CCDC148: variants seen among roughly 807,000 people sequenced by gnomAD.
The protein encoded by CCDC148 is coiled-coil domain containing 148.
In CCDC148, 89 loss-of-function variants were observed where a neutral mutation model predicts 85.7. That is an observed-to-expected ratio of 1.04 (90% CI 0.87 to 1.24). The LOEUF is 1.24. CCDC148 is among the 50% of genes most tolerant of loss of function. The pLI is 0.00. For missense variants in CCDC148, 692 were observed against 671.7 expected (o/e 1.03, Z -0.33); for synonymous variants, 230 against 213.9 (o/e 1.08, Z -0.66).
chr2:158,290,435 C>T (rs1291467445), intron 9 of CCDC148, among the ~76,000 whole-genome samples: 1 of 152,206 alleles, frequency 6.6e-6, no homozygotes. Flanking sequence ...CCTCTGCTCA[C>T]TCCAGCCACA....
At chr2:158,304,591 AT>A (rs1417905689) in intron 9 of CCDC148, among the ~76,000 whole-genome samples, 1 of 152,180 alleles carries the variant, frequency 6.6e-6, no homozygotes, top group African/African-American at 2.4e-5. Flanking sequence ...GGTTTCTTAA[AT>A]AGGGCACAAA....
Position 158,358,533 on chromosome 2 carries a change from G to A in CCDC148, c.63C>T (p.Asn21=). The part of the protein sequence containing the change: ...LVFHMKNEMR[N]IKYKPVDYQQ... ...GATAGTCTACTGGTTTGTACTTGAT[G>A]TTTCTCATCTCATTTTTCATATGGA... The change falls in exon 2 of 14, where the codon AAC becomes AAT. Residue 21 remains asparagine, a synonymous_variant. Transcript: ENST00000283233. 1 of 1,593,014 alleles carries A rather than the reference G, an allele frequency of 6.3e-7. No homozygotes were observed. Among genetic ancestry groups the A allele is most frequent in the Non-Finnish European group, 8.5e-7 (1 of 1,171,304 alleles).
At chr2:158,310,692 G>C (rs1488413098) in intron 8 of CCDC148, among the ~76,000 whole-genome samples, 1 of 150,030 alleles carries the variant, frequency 6.7e-6, no homozygotes, top group African/African-American at 2.5e-5. Flanking sequence ...TGGGGTGGCG[G>C]CCGGGCAGAG....
chr2:158,283,946 A>T (rs1486592764), intron 9 of CCDC148, among the ~76,000 whole-genome samples: 31 of 151,778 alleles, frequency 2.0e-4, no homozygotes, highest in Middle Eastern at 3.4e-3. Flanking sequence ...CTATGCAGCC[A>T]TAAAAAATGA....
chr2:158,276,488 G>A (rs776148188), intron 9 of CCDC148, among the ~76,000 whole-genome samples: 3 of 151,872 alleles, frequency 2.0e-5, no homozygotes, highest in Non-Finnish European at 2.9e-5. Flanking sequence ...TATGGGAGGC[G>A]AAGGTTGCAG....
chr2:158,294,717 A>G (rs1212418393), intron 9 of CCDC148, among the ~76,000 whole-genome samples: 1 of 151,080 alleles, frequency 6.6e-6, no homozygotes, highest in East Asian at 2.0e-4. Flanking sequence ...CCAGCCATGC[A>G]GGAGGCTGAG....
intron 10 of CCDC148, among the ~76,000 whole-genome samples, chr2:158,242,525 G>C (rs907144147): frequency 5.3e-5 from 8 of 152,064 alleles, no homozygotes; most frequent in African/African-American, 1.9e-4. Flanking sequence ...TCCAGCTCAG[G>C]TCTGAGGGAA....
intron 2 of CCDC148, among the ~76,000 whole-genome samples, chr2:158,355,287 T>C (rs1048778769): frequency 6.6e-6 from 1 of 152,034 alleles, no homozygotes; most frequent in Admixed American, 6.6e-5. Context: ...GGAAGTCAAA[T>C]TGTCCCTGTT....
intron 9 of CCDC148, among the ~76,000 whole-genome samples, chr2:158,280,063 G>A (rs988681177): frequency 2.6e-5 from 4 of 151,106 alleles, no homozygotes; most frequent in African/African-American, 7.4e-5. Context: ...ATCCTTTACA[G>A]ACAAGCAAAT....
rs1434568407 is a variant in CCDC148, at chr2:158,356,915, G to A, written c.147+1534C>T. 2.8e-5 allele frequency among the ~76,000 whole-genome samples: 4 copies of A among 143,106 alleles called. No individual in the cohort carries two copies. In the East Asian group the frequency reaches 8.0e-4, roughly 29 times the overall value. 93.9% of individuals were successfully genotyped at this position (143,106 alleles called of 152,430 possible). A position where few individuals can be genotyped will look rare whatever the true frequency, so the allele number is the denominator to read the frequency against. On this transcript the variant is annotated intron_variant, in intron 2 of 13. Transcript: ENST00000283233. The stretch of plus-strand genomic sequence containing the variant: ...ACTATGCAGCCATAAAAAATGATGA[G>A]TTCATGTCCTTTGTAGGGACATGGA...
At chr2:158,299,229 C>T (rs1691334516) in intron 9 of CCDC148, among the ~76,000 whole-genome samples, 1 of 152,202 alleles carries the variant, frequency 6.6e-6, no homozygotes, top group South Asian at 2.1e-4. Flanking sequence ...AGGCCTGTGT[C>T]CTGTGACCTC....
intron 7 of CCDC148, among the ~76,000 whole-genome samples, chr2:158,336,662 A>C (rs1200610555): frequency 6.6e-6 from 1 of 152,170 alleles, no homozygotes; most frequent in Non-Finnish European, 1.5e-5. Context: ...ATTAAACTAG[A>C]ATTTATGAAC....
At chr2:158,327,174 G>C (rs557487966) in intron 7 of CCDC148, among the ~76,000 whole-genome samples, 10 of 152,080 alleles carry the variant, frequency 6.6e-5, no homozygotes, top group Non-Finnish European at 1.3e-4. Flanking sequence ...GAGATTTAGA[G>C]GCTGTCAGGA....
At chr2:158,451,708 C>T (rs949381834) in intron 1 of CCDC148, among the ~76,000 whole-genome samples, 1 of 150,576 alleles carries the variant, frequency 6.6e-6, no homozygotes, top group African/African-American at 2.4e-5. Context: ...ATAGAGACAC[C>T]GCACTAAAAA....
chr2:158,279,982 A>G (rs1690187260), intron 9 of CCDC148, among the ~76,000 whole-genome samples: 1 of 151,774 alleles, frequency 6.6e-6, no homozygotes, highest in Admixed American at 6.6e-5. Flanking sequence ...CAACATTCTT[A>G]AAGAAAAGAA....
intron 1 of CCDC148, among the ~76,000 whole-genome samples, chr2:158,433,867 G>A (rs756224381): frequency 8.5e-5 from 13 of 152,214 alleles, no homozygotes; most frequent in Non-Finnish European, 1.8e-4. Context: ...ATGGAGCCTC[G>A]CTCACTGCTA....
At chr2:158,448,322 T>A (rs185508604) in intron 1 of CCDC148, among the ~76,000 whole-genome samples, 38 of 152,086 alleles carry the variant, frequency 2.5e-4, no homozygotes, top group Middle Eastern at 3.4e-3. Context: ...TACAAGATTG[T>A]TTTTGATATG....
Position 158,178,995 on chromosome 2 carries a change from C to T in CCDC148, c.1372G>A (p.Val458Ile), listed in dbSNP as rs1272418939. The part of the protein sequence containing the change: ...AEQSLKDRER[V>I]KYRQELLERR... ...TCCAATAATTCTTGTCTATATTTAA[C>T]CCTTTAAAAATAACACAGAAGGAAG... Residue 458 changes from valine to isoleucine, a missense_variant and splice_region_variant, in exon 12 of 14, where the codon GTT (valine) becomes ATT (isoleucine). By Grantham distance (29) the Val-to-Ile change is conservative. Coordinates refer to ENST00000283233, the MANE Select transcript of CCDC148 (RefSeq NM_138803.4). The T allele has an allele frequency of 6.2e-7, 1 of 1,605,652 alleles. No individual in the cohort carries two copies.
intron 11 of CCDC148, among the ~76,000 whole-genome samples, chr2:158,208,608 C>A (rs1272901002): frequency 2.0e-5 from 3 of 152,110 alleles, no homozygotes; most frequent in Admixed American, 2.0e-4. Flanking sequence ...TGTCATGAGA[C>A]CACAGGGGAG....
Sources: allele counts gnomAD v4.1 joint callset (sites outside exome capture counted in the v4.1 genomes callset), GRCh38; gene constraint gnomAD v4.1.1; transcripts MANE v1.5; gene names NCBI Gene and HGNC (gene_info 2026-07-23, HGNC 2026-07-21).